Variants in DENND4C observed in about 807,000 individuals in gnomAD.
DENND4C encodes the protein DENN domain containing 4C.
DENND4C carries 108 observed loss-of-function variants against 203.0 expected under a neutral mutation model. The ratio of observed to expected loss-of-function variants is 0.53; its 90% CI spans 0.46 to 0.62. The LOEUF (loss-of-function observed/expected upper bound fraction) is 0.62, where lower values mean the gene tolerates loss of function less well. Ranked by LOEUF, DENND4C falls within the 20% of genes least tolerant of loss-of-function variation. The pLI, the probability that DENND4C is intolerant of heterozygous loss-of-function variation, is 0.00. For synonymous variants in DENND4C, 871 were observed against 792.4 expected, an observed-to-expected ratio of 1.10 and a Z score of -1.67; for missense variants, 2,481 against 2,301.2, an observed-to-expected ratio of 1.08 and a Z score of -1.60.
rs771853915 is a variant in DENND4C at position 19,352,055 on chromosome 9, A to G, written c.4496-18A>G. ...GACATTCCTTACTTAAGGTATTACG[A>G]TGTATATTCCTTTGTAGGTGAAGTT... On this transcript the variant is annotated intron_variant, in intron 24 of 32. Coordinates refer to ENST00000434457, the MANE Select transcript of DENND4C (RefSeq NM_001330640.2). 2.5e-6 allele frequency: 4 copies of G among 1,599,396 alleles called. No individual in the cohort carries two copies. Among genetic ancestry groups the G allele is most frequent in the Non-Finnish European group, 3.4e-6 (4 of 1,167,028 alleles).
At position 19,276,604 on chromosome 9, in the gene DENND4C, A is replaced by G. The variant is rs1564110883; in HGVS notation, c.305+125A>G. 3 of 555,802 alleles carry G rather than the reference A, an allele frequency of 5.4e-6. No individual in the cohort carries two copies. In the Admixed American group the frequency reaches 1.3e-4, roughly 24 times the overall value. The allele number at this position is 555,802 out of a possible 1,614,324, so 34.4% of individuals were successfully genotyped here. A position where few individuals can be genotyped will look rare whatever the true frequency, so the allele number is the denominator to read the frequency against. On this transcript the variant is annotated intron_variant, in intron 2 of 32. Transcript: ENST00000434457. ...ATAGTTTATTATTATTGATAGTTTTATGGTTACTTCAGGATTCATTATAGT... is the reference window on the plus strand; with the variant it reads ...ATAGTTTATTATTATTGATAGTTTTGTGGTTACTTCAGGATTCATTATAGT...
At chr9:19,369,181 T>G (rs999055413) in intron 30 of DENND4C, among the ~76,000 whole-genome samples, 1 of 152,058 alleles carries the variant, frequency 6.6e-6, no homozygotes, top group African/African-American at 2.4e-5. Flanking sequence ...AGAAAAAAAG[T>G]TATGTACTAG....
At chr9:19,294,067 A>G (rs918354789) in intron 5 of DENND4C, among the ~76,000 whole-genome samples, 6 of 152,308 alleles carry the variant, frequency 3.9e-5, no homozygotes, top group African/African-American at 1.4e-4. Flanking sequence ...AGATGCCTGT[A>G]TGACATCCAG....
At chr9:19,257,329 C>G (rs1387905495) in intron 1 of DENND4C, among the ~76,000 whole-genome samples, 1 of 146,258 alleles carries the variant, frequency 6.8e-6, no homozygotes, top group Non-Finnish European at 1.5e-5. Flanking sequence ...ACACTCCAGC[C>G]TAGGTGACAG....
rs1838254967 is a variant in DENND4C, at chr9:19,300,124, A to G, written c.1167-63A>G. On this transcript the variant is annotated intron_variant, in intron 8 of 32. Coordinates refer to ENST00000434457, the MANE Select transcript of DENND4C (RefSeq NM_001330640.2). Reference sequence around the variant, plus strand: ...TCAATCTGTTGATACTTTAATAAGCAAATCTTAACATATTTCAGCAAAATA... The same window carrying G: ...TCAATCTGTTGATACTTTAATAAGCGAATCTTAACATATTTCAGCAAAATA... 2.6e-5 allele frequency: 38 copies of G among 1,463,670 alleles called. 1 individual carries two copies. In the South Asian group the frequency reaches 5.5e-4, roughly 21 times the overall value. The allele number at this position is 1,463,670 out of a possible 1,614,324, so 90.7% of individuals were successfully genotyped here.
In DENND4C at chr9:19,316,847, G is replaced by T; in HGVS notation, c.1807+8G>T. On this transcript the variant is annotated splice_region_variant and intron_variant, in intron 12 of 32. Transcript: ENST00000434457. ...CATTGTTTGACCGACAGGGTGAGTA[G>T]CATTGAAAGTACAATTCCTTTTATT... 6.2e-7 allele frequency: 1 copy of T among 1,601,288 alleles called. No individual in the cohort carries two copies.
Position 19,372,284 on chromosome 9 carries a change from T to TC in DENND4C, c.*111_*112insC, listed in dbSNP as rs1828982969. 1 of 1,324,760 alleles carries TC rather than the reference T, an allele frequency of 7.5e-7. No individual in the cohort carries two copies. Among genetic ancestry groups the TC allele is most frequent in the African/African-American group, 1.5e-5 (1 of 67,964 alleles). The allele number at this position is 1,324,760 out of a possible 1,614,324, so 82.1% of individuals were successfully genotyped here. ...AGAACTGGTGAATACGGAATTGAAG[T>TC]AACTCTTGGGGACAATATATAATGA... On this transcript the variant is annotated 3_prime_UTR_variant, in exon 33 of 33. Transcript: ENST00000434457.
At chr9:19,350,915 A>T in intron 24 of DENND4C, 36 bp downstream of exon 24, 1 of 1,544,342 alleles carries the variant, frequency 6.5e-7, no homozygotes, top group Non-Finnish European at 8.8e-7. Context: ...CATTTGCTTT[A>T]TAATAGTTTT....
Position 19,360,274 on chromosome 9 carries a change from C to T in DENND4C, c.5191C>T (p.Pro1731Ser). ...TTTAGGAAAAAGACCCAATCCTCCC[C>T]CTGTTTCTGTGCCCTACTTGAGTCC... ...DPLGKRPNPPPVSVPYLSPLV... is the reference protein window; with the variant it reads ...DPLGKRPNPPSVSVPYLSPLV... The change falls in exon 29 of 33, where the codon CCT becomes TCT. Residue 1731 changes from proline to serine, a missense_variant. Coordinates refer to ENST00000434457, the MANE Select transcript of DENND4C (RefSeq NM_001330640.2). 2 of 1,613,320 alleles carry T rather than the reference C, an allele frequency of 1.2e-6. No homozygotes were observed. Among genetic ancestry groups the T allele is most frequent in the Non-Finnish European group, 1.7e-6 (2 of 1,179,732 alleles).
chr9:19,266,834 G>A (rs1830606418), intron 1 of DENND4C, among the ~76,000 whole-genome samples: 1 of 152,160 alleles, frequency 6.6e-6, no homozygotes, highest in Non-Finnish European at 1.5e-5. Flanking sequence ...ATTCAAGATG[G>A]ATTAAAGACT....
intron 6 of DENND4C, among the ~76,000 whole-genome samples, chr9:19,297,005 G>C (rs1837604167): frequency 6.6e-6 from 1 of 152,074 alleles, no homozygotes; most frequent in Admixed American, 6.5e-5. Context: ...TTTGTCATGC[G>C]ATCTTTCTTT....
At chr9:19,313,452 A>T (rs542805202) in intron 10 of DENND4C, among the ~76,000 whole-genome samples, 50 of 152,334 alleles carry the variant, frequency 3.3e-4, no homozygotes, top group African/African-American at 1.2e-3. Context: ...CAGATAGTAA[A>T]CGTCAGGGCC....
intron 20 of DENND4C, 91 bp from the exon 21 acceptor site, chr9:19,340,901 G>GTGTA: frequency 8.5e-7 from 1 of 1,181,646 alleles, no homozygotes; most frequent in South Asian, 1.9e-5. Context: ...AACCGTAATT[G>GTGTA]TGTAGATCAG....
intron 1 of DENND4C, among the ~76,000 whole-genome samples, chr9:19,260,555 A>G (rs113911728): frequency 0.015 from 2,313 of 151,760 alleles, 54 homozygotes; most frequent in African/African-American, 0.053. Context: ...GTGCCATCAC[A>G]CCCGGCTAAT....
In DENND4C at chr9:19,373,987, G is replaced by C. The variant is rs1304565802; in HGVS notation, c.*1814G>C. Among the ~76,000 whole-genome samples, 1 of 152,052 alleles carries C rather than the reference G, an allele frequency of 6.6e-6. No homozygotes were observed. The highest frequency in any genetic ancestry group is 1.5e-5 in the Non-Finnish European group (1 of 67,998). ...TACAATTTTCATTACCTTCAAAATG[G>C]ATCTTTTGCACTGTCTGAGAGTATA... is the stretch of plus-strand genomic sequence containing the variant. On this transcript the variant is annotated 3_prime_UTR_variant, in exon 33 of 33. Transcript: ENST00000434457.
chr9:19,271,669 C>T lies in DENND4C; in HGVS notation c.-17-4489C>T, dbSNP rs552485421. Among the ~76,000 whole-genome samples the T allele has an allele frequency of 1.6e-3, 249 of 151,750 alleles. 2 individuals are homozygous for T. The highest frequency in any genetic ancestry group is 4.6e-3 in the African/African-American group (190 of 41,422). On this transcript the variant is annotated intron_variant, in intron 1 of 32. Coordinates refer to ENST00000434457, the MANE Select transcript of DENND4C (RefSeq NM_001330640.2). ...TCACCTGAGGTGGTTGAGTTAAAGA[C>T]CAGCCTGACCAACATGGAGAAACCC...
chr9:19,263,892 TC>T lies in DENND4C; in HGVS notation c.-17-12265del, dbSNP rs748474426. On this transcript the variant is annotated intron_variant, in intron 1 of 32. Transcript: ENST00000434457. ...CCAGGCTGGTCTCGAACTCCTGACC[TC>T]AGGTGATCTGCCCGCCTTGGCCTCC... 5.9e-5 allele frequency among the ~76,000 whole-genome samples: 9 copies of T among 152,212 alleles called. No individual in the cohort carries two copies. In the East Asian group the frequency reaches 1.4e-3, roughly 23 times the overall value.
intron 1 of DENND4C, among the ~76,000 whole-genome samples, chr9:19,269,023 A>G (rs751781555): frequency 7.2e-5 from 11 of 152,132 alleles, no homozygotes; most frequent in Non-Finnish European, 1.2e-4. Context: ...TAAACTTGGT[A>G]CATACTTCTC....
chr9:19,341,966 T>A (rs1588954715), intron 21 of DENND4C, among the ~76,000 whole-genome samples: 2 of 152,066 alleles, frequency 1.3e-5, no homozygotes, highest in East Asian at 3.9e-4. Context: ...CTACTAAAAA[T>A]ACAAAAATTA....
Sources: allele counts gnomAD v4.1 joint callset (sites outside exome capture counted in the v4.1 genomes callset), GRCh38; gene constraint gnomAD v4.1.1; transcripts MANE v1.5; gene names NCBI Gene and HGNC (gene_info 2026-07-23, HGNC 2026-07-21).